The following KDM4C variants were observed in gnomAD, a reference collection of about 807,000 sequenced individuals.
KDM4C encodes lysine demethylase 4C.
A neutral mutation model predicts 129.3 loss-of-function variants in KDM4C; 81 were observed. The ratio of observed to expected loss-of-function variants is 0.63; its 90% CI spans 0.52 to 0.75. The LOEUF (loss-of-function observed/expected upper bound fraction) is 0.75, where lower values mean the gene tolerates loss of function less well. KDM4C is among the 30% of genes least tolerant of loss of function. The pLI is 0.00. For synonymous variants in KDM4C, 573 were observed against 456.1 expected (o/e 1.26, Z -3.26); for missense variants, 1,457 against 1,304.0 (o/e 1.12, Z -1.81).
chr9:6,854,546 C>CAAA (rs796548476), intron 5 of KDM4C, among the ~76,000 whole-genome samples: 4 of 108,640 alleles, frequency 3.7e-5, no homozygotes, highest in East Asian at 2.7e-4. Flanking sequence ...AAAAAAAAAA[C>CAAA]AAAAAAAAAA....
chr9:6,820,198 A>G (rs959426286), intron 4 of KDM4C, among the ~76,000 whole-genome samples: 1 of 152,176 alleles, frequency 6.6e-6, no homozygotes, highest in Non-Finnish European at 1.5e-5. Flanking sequence ...CAGTATGAGC[A>G]GGCCTGCATT....
intron 8 of KDM4C, chr9:6,948,093 G>C (rs1438871981): frequency 6.6e-6 from 1 of 151,910 alleles, no homozygotes; most frequent in Non-Finnish European, 1.5e-5. Context: ...TTTGTATATT[G>C]AATCCCAATT....
intron 5 of KDM4C, among the ~76,000 whole-genome samples, chr9:6,858,217 T>A (rs1840238924): frequency 6.6e-6 from 1 of 152,028 alleles, no homozygotes; most frequent in Non-Finnish European, 1.5e-5. Flanking sequence ...CTTTTCTACC[T>A]GCTTTTGCTT....
intron 4 of KDM4C, among the ~76,000 whole-genome samples, chr9:6,817,080 A>G (rs1832235892): frequency 1.3e-5 from 2 of 152,020 alleles, no homozygotes; most frequent in Admixed American, 1.3e-4. Context: ...TCAATTAAAG[A>G]TGCATATTGA....
intron 1 of KDM4C, chr9:6,748,647 G>A (rs1817963963): frequency 1.1e-6 from 1 of 918,722 alleles, no homozygotes; most frequent in South Asian, 1.3e-5. Flanking sequence ...TTGGACAAAG[G>A]ACGTCTAAAA....
chr9:6,842,615 C>T (rs565226293), intron 4 of KDM4C, among the ~76,000 whole-genome samples: 28 of 152,082 alleles, frequency 1.8e-4, no homozygotes, highest in South Asian at 1.0e-3. Context: ...GGATTACGGA[C>T]GTGAGCTACT....
intron 8 of KDM4C, among the ~76,000 whole-genome samples, chr9:6,928,937 A>G (rs1239218027): frequency 1.3e-5 from 2 of 152,162 alleles, no homozygotes; most frequent in Non-Finnish European, 2.9e-5. Flanking sequence ...TTTCTTGTTT[A>G]TGGCCCCAGC....
intron 8 of KDM4C, among the ~76,000 whole-genome samples, chr9:6,903,719 C>G (rs548330562): frequency 3.3e-5 from 5 of 152,226 alleles, no homozygotes; most frequent in South Asian, 4.2e-4. Flanking sequence ...AAGGAAATCA[C>G]TATGGCTAAT....
intron 11 of KDM4C, among the ~76,000 whole-genome samples, chr9:6,988,367 T>A (rs984122887): frequency 3.7e-4 from 56 of 152,000 alleles, no homozygotes; most frequent in African/African-American, 1.3e-3. Context: ...TGATTATAGA[T>A]CTAGTGCTGT....
chr9:7,019,735 TAAAAATATA>T (rs1824380001), intron 15 of KDM4C, among the ~76,000 whole-genome samples: 1 of 114,696 alleles, frequency 8.7e-6, no homozygotes, highest in African/African-American at 3.8e-5. Flanking sequence ...TTTTTATATA[TAAAAATATA>T]ATATTTTTAT....
chr9:6,851,007 G>T (rs1206380025), intron 5 of KDM4C, among the ~76,000 whole-genome samples: 1 of 151,564 alleles, frequency 6.6e-6, no homozygotes, highest in Non-Finnish European at 1.5e-5. Flanking sequence ...CACCCTCCTT[G>T]GCCTCCCAAA....
chr9:6,835,508 A>C (rs1388066185), intron 4 of KDM4C: 11 of 1,515,620 alleles, frequency 7.3e-6, no homozygotes, highest in Non-Finnish European at 1.0e-5. Flanking sequence ...TCCACCTTCC[A>C]GCAGATGTGG....
intron 8 of KDM4C, among the ~76,000 whole-genome samples, chr9:6,977,932 G>T (rs961155562): frequency 3.3e-5 from 5 of 152,112 alleles, no homozygotes; most frequent in Middle Eastern, 3.4e-3. Context: ...TATTTCTTTT[G>T]TTGCTTCCAC....
intron 15 of KDM4C, among the ~76,000 whole-genome samples, chr9:7,036,480 C>T (rs1827667761): frequency 6.6e-6 from 1 of 152,108 alleles, no homozygotes; most frequent in Non-Finnish European, 1.5e-5. Context: ...AACATAGCTA[C>T]CAGAGCGGTG....
At chr9:6,882,289 A>G (rs1399676800) in intron 6 of KDM4C, among the ~76,000 whole-genome samples, 1 of 152,348 alleles carries the variant, frequency 6.6e-6, no homozygotes, top group African/African-American at 2.4e-5. Flanking sequence ...GATTGCAAAT[A>G]TGGAGGAGAA....
rs370623028 is a variant in KDM4C at position 7,103,748 on chromosome 9, G to C, written c.2488G>C (p.Gly830Arg). ...TGGAGCCTGCATCCAGTGTTCCTAC[G>C]GTCGCTGCCCGGCCTCCTTCCATGT... The part of the protein sequence containing the change: ...VSGACIQCSY[G>R]RCPASFHVTC... The change falls in exon 18 of 22, where the codon GGT becomes CGT. Residue 830 changes from glycine to arginine, a missense_variant. Transcript: ENST00000381309. The C allele has an allele frequency of 6.2e-7, 1 of 1,613,868 alleles. No individual in the cohort carries two copies. Among genetic ancestry groups the C allele is most frequent in the Non-Finnish European group, 8.5e-7 (1 of 1,179,952 alleles).
intron 18 of KDM4C, among the ~76,000 whole-genome samples, chr9:7,125,224 C>T (rs1446228653): frequency 6.6e-6 from 1 of 152,174 alleles, no homozygotes; most frequent in Non-Finnish European, 1.5e-5. Flanking sequence ...TGGCTGTTTC[C>T]TGCTTCTGGG....
chr9:7,144,175 T>C (rs577993744), intron 19 of KDM4C, among the ~76,000 whole-genome samples: 11 of 151,902 alleles, frequency 7.2e-5, no homozygotes, highest in Non-Finnish European at 1.3e-4. Context: ...GGTCTCAAAC[T>C]ATTGGGCTCA....
At chr9:7,088,377 C>G (rs1011944270) in intron 17 of KDM4C, among the ~76,000 whole-genome samples, 21 of 152,160 alleles carry the variant, frequency 1.4e-4, no homozygotes, top group Non-Finnish European at 2.9e-4. Flanking sequence ...CATTTTTAAA[C>G]TCTCCTTTAA....
Sources: allele counts gnomAD v4.1 joint callset (sites outside exome capture counted in the v4.1 genomes callset), GRCh38; gene constraint gnomAD v4.1.1; transcripts MANE v1.5; gene names NCBI Gene and HGNC (gene_info 2026-07-23, HGNC 2026-07-21).